The following EPHA6 variants were observed in gnomAD, a reference collection of about 807,000 sequenced individuals.
EPHA6 encodes the protein ephrin type-A receptor 6.
In EPHA6, 50 loss-of-function variants were observed where a neutral mutation model predicts 112.0. That is an observed-to-expected ratio of 0.45 (90% CI 0.36 to 0.56). The LOEUF is 0.56. EPHA6 is among the 20% of genes least tolerant of loss of function. The probability of loss-of-function intolerance (pLI) is 0.00; values close to 1 mark genes in which losing one functional copy is unlikely to be tolerated. For synonymous variants in EPHA6, 529 were observed against 490.7 expected (o/e 1.08, Z -1.03); for missense variants, 1,280 against 1,417.4 (o/e 0.90, Z 1.56).
chr3:97,098,389 A>G (rs575106394), intron 3 of EPHA6, among the ~76,000 whole-genome samples: 1 of 152,060 alleles, frequency 6.6e-6, no homozygotes, highest in Admixed American at 6.6e-5. Flanking sequence ...AACTTTTGAT[A>G]TGTAGAATTA....
chr3:97,197,539 G>C (rs2077472803), intron 3 of EPHA6, among the ~76,000 whole-genome samples: 1 of 151,864 alleles, frequency 6.6e-6, no homozygotes, highest in Non-Finnish European at 1.5e-5. Context: ...GGCTGAGCTG[G>C]TATCCAAGTT....
intron 5 of EPHA6, among the ~76,000 whole-genome samples, chr3:97,350,975 A>G (rs1283757780): frequency 6.6e-6 from 1 of 152,152 alleles, no homozygotes; most frequent in African/African-American, 2.4e-5. Flanking sequence ...TTGCTAAATG[A>G]CCTTGTACAT....
At chr3:97,281,248 CAT>C (rs2080279213) in intron 5 of EPHA6, among the ~76,000 whole-genome samples, 7 of 150,236 alleles carry the variant, frequency 4.7e-5, no homozygotes, top group African/African-American at 1.5e-4. Context: ...TGTGCATGAG[CAT>C]GTGTGTGTGT....
At chr3:97,631,563 A>T (rs1362496646) in intron 13 of EPHA6, among the ~76,000 whole-genome samples, 1 of 152,028 alleles carries the variant, frequency 6.6e-6, no homozygotes, top group Admixed American at 6.6e-5. Flanking sequence ...TTTGATATAC[A>T]TATGGACCAA....
At chr3:97,705,918 A>G (rs1373074208) in intron 14 of EPHA6, among the ~76,000 whole-genome samples, 1 of 152,326 alleles carries the variant, frequency 6.6e-6, no homozygotes, top group African/African-American at 2.4e-5. Context: ...TATGCCACGC[A>G]GTGCTCCAGT....
At chr3:97,115,332 A>G (rs2047853098) in intron 3 of EPHA6, among the ~76,000 whole-genome samples, 1 of 151,796 alleles carries the variant, frequency 6.6e-6, no homozygotes, top group Non-Finnish European at 1.5e-5. Flanking sequence ...AAGAAAGGTA[A>G]GGAAAACTAT....
At chr3:97,646,147 C>A in intron 14 of EPHA6, 2 of 1,533,396 alleles carry the variant, frequency 1.3e-6, no homozygotes, top group Admixed American at 2.0e-5. Context: ...AAAGAGCAAT[C>A]AGAACTGGTT....
intron 5 of EPHA6, among the ~76,000 whole-genome samples, chr3:97,324,470 T>TTTCTTTCTTTC (rs1491558561): frequency 5.0e-5 from 7 of 139,762 alleles, no homozygotes; most frequent in Admixed American, 7.3e-5. Context: ...TCTTTCTTTC[T>TTTCTTTCTTTC]TTTTCTTTCG....
intron 2 of EPHA6, among the ~76,000 whole-genome samples, chr3:96,923,988 G>C (rs570782910): frequency 3.3e-5 from 5 of 152,096 alleles, no homozygotes; most frequent in African/African-American, 1.2e-4. Context: ...TCTTTACTTG[G>C]TTACATTGGT....
intron 3 of EPHA6, among the ~76,000 whole-genome samples, chr3:96,996,197 C>T (rs560167079): frequency 4.6e-5 from 7 of 152,258 alleles, no homozygotes; most frequent in South Asian, 4.1e-4. Flanking sequence ...TTTATCATGA[C>T]ATTGCAGCAA....
At chr3:97,084,992 G>A (rs2046848627) in intron 3 of EPHA6, among the ~76,000 whole-genome samples, 1 of 152,054 alleles carries the variant, frequency 6.6e-6, no homozygotes, top group Non-Finnish European at 1.5e-5. Context: ...TGATTACACA[G>A]AAATACTTTC....
chr3:96,999,012 T>G (rs1293590742), intron 3 of EPHA6, among the ~76,000 whole-genome samples: 4 of 151,918 alleles, frequency 2.6e-5, no homozygotes, highest in Admixed American at 2.0e-4. Flanking sequence ...TCTGCCTACT[T>G]TGTTACATAA....
At chr3:97,472,481 TA>T (rs941751126) in intron 7 of EPHA6, among the ~76,000 whole-genome samples, 1 of 151,898 alleles carries the variant, frequency 6.6e-6, no homozygotes, top group Non-Finnish European at 1.5e-5. Flanking sequence ...TGATAAGATG[TA>T]TCTGAAGACA....
intron 6 of EPHA6, among the ~76,000 whole-genome samples, chr3:97,433,270 TA>T (rs1218602447): frequency 6.6e-6 from 1 of 152,180 alleles, no homozygotes; most frequent in Non-Finnish European, 1.5e-5. Flanking sequence ...TTACCTTACA[TA>T]GTAAAAAGAG....
intron 5 of EPHA6, among the ~76,000 whole-genome samples, chr3:97,338,767 A>G (rs138183725): frequency 6.6e-6 from 1 of 152,304 alleles, no homozygotes; most frequent in African/African-American, 2.4e-5. Flanking sequence ...GAAGTCTACT[A>G]TTGTCAGTAT....
At chr3:97,685,613 C>T (rs926442498) in intron 14 of EPHA6, among the ~76,000 whole-genome samples, 4 of 152,138 alleles carry the variant, frequency 2.6e-5, no homozygotes, top group Admixed American at 1.3e-4. Context: ...AAATAGCACA[C>T]TGACTCTTAA....
intron 3 of EPHA6, among the ~76,000 whole-genome samples, chr3:97,194,397 G>T (rs2077386219): frequency 6.6e-6 from 1 of 150,864 alleles, no homozygotes; most frequent in African/African-American, 2.4e-5. Flanking sequence ...TCTGGTTGTT[G>T]ATTCCTAGTT....
intron 14 of EPHA6, among the ~76,000 whole-genome samples, chr3:97,643,553 C>T (rs868666621): frequency 0.021 from 3,051 of 145,546 alleles, 82 homozygotes; most frequent in African/African-American, 0.073. Flanking sequence ...ACCCATCTCA[C>T]GTGCAGAGAC....
At chr3:97,683,852 G>T (rs1365257598) in intron 14 of EPHA6, among the ~76,000 whole-genome samples, 1 of 152,104 alleles carries the variant, frequency 6.6e-6, no homozygotes, top group East Asian at 1.9e-4. Flanking sequence ...AAAAGGAATT[G>T]TTCATTAAGC....
Sources: gnomAD v4.1 joint callset for allele counts (sites outside exome capture counted in the v4.1 genomes callset) on GRCh38, gnomAD v4.1.1 for gene constraint, MANE v1.5 for transcripts, NCBI Gene and HGNC (gene_info 2026-07-23, HGNC 2026-07-21) for gene names.